Variants in NIBAN3 observed in about 807,000 individuals in gnomAD.
NIBAN3 encodes the protein niban apoptosis regulator 3.
NIBAN3 carries 66 observed loss-of-function variants against 76.4 expected under a neutral mutation model. The observed-to-expected ratio is 0.86, with a 90% CI of 0.71 to 1.06. The LOEUF (loss-of-function observed/expected upper bound fraction) is 1.06. Among genes scored for constraint, NIBAN3 ranks in the 50% least tolerant of loss-of-function variants. NIBAN3 has a pLI of 0.00. For missense variants in NIBAN3, 808 were observed against 810.7 expected, an observed-to-expected ratio of 1.00 and a Z score of 0.04; for synonymous variants, 360 against 355.2, an observed-to-expected ratio of 1.01 and a Z score of -0.15.
At chr19:17,531,849 G>A (rs2075731437) in intron 2 of NIBAN3, among the ~76,000 whole-genome samples, 1 of 152,186 alleles carries the variant, frequency 6.6e-6, no homozygotes, top group South Asian at 2.1e-4. Flanking sequence ...CTGGAGCCAT[G>A]AGGTTGTGTG....
Position 17,552,620 on chromosome 19 carries a change from T to C in NIBAN3, c.*722T>C, listed in dbSNP as rs2076173819. 6.6e-6 allele frequency: 1 copy of C among 152,144 alleles called. No individual in the cohort carries two copies. Among genetic ancestry groups the C allele is most frequent in the Admixed American group, 6.6e-5 (1 of 15,260 alleles). 9.4% of individuals were successfully genotyped at this position (152,144 alleles called of 1,614,324 possible). Reference sequence around the variant, plus strand: ...TGATTTTATTTTGAATTTCTTTGACTAAATTGAACTTACAAATAAGTTTAT... The same window carrying C: ...TGATTTTATTTTGAATTTCTTTGACCAAATTGAACTTACAAATAAGTTTAT... On this transcript the variant is annotated 3_prime_UTR_variant, in exon 15 of 15. Coordinates refer to ENST00000599164, the MANE Select transcript of NIBAN3 (RefSeq NM_001321827.2).
At chr19:17,539,824 G>A in intron 8 of NIBAN3, 59 bp downstream of exon 8, 1 of 1,336,322 alleles carries the variant, frequency 7.5e-7, no homozygotes, top group Non-Finnish European at 1.0e-6. Context: ...GGGAAAAAGG[G>A]GCGTGACCTA....
chr19:17,540,526 G>T lies in NIBAN3; in HGVS notation c.1114G>T (p.Asp372Tyr). 2 of 1,586,380 alleles carry T rather than the reference G, an allele frequency of 1.3e-6. No homozygotes were observed. The highest frequency in any genetic ancestry group is 1.1e-5 in the South Asian group (1 of 88,230). ...AVRTLLAQGM[D>Y]RLSHRLRQSP... is the part of the protein sequence containing the mutation. ...GCGGACCCTCCTGGCTCAAGGCATG[G>T]ACCGACTGTCCCACCGCCTGCGCCA... The change falls in exon 9 of 15, where the codon GAC becomes TAC. Residue 372 changes from aspartate (D) to tyrosine (Y), a missense_variant. By Grantham distance (160) the Asp-to-Tyr change is radical. Coordinates refer to ENST00000599164, the MANE Select transcript of NIBAN3 (RefSeq NM_001321827.2).
chr19:17,533,640 G>T lies in NIBAN3; in HGVS notation c.366G>T (p.Thr122=). The change falls in exon 4 of 15, where the codon ACG becomes ACT. Residue 122 remains threonine, a synonymous_variant. Coordinates refer to ENST00000599164, the MANE Select transcript of NIBAN3 (RefSeq NM_001321827.2). ...CLGSTALTGY[T]LLTSQREYLR... ...GCTCAACAGCCCTGACAGGATACAC[G>T]CTCCTGACTTCCCAGCGAGAATATC... The T allele has an allele frequency of 6.2e-7, 1 of 1,614,102 alleles. No individual in the cohort carries two copies.
At chr19:17,555,140 A>G (rs1172869911), downstream of NIBAN3, among the ~76,000 whole-genome samples, 1 of 152,166 alleles carries the variant, frequency 6.6e-6, no homozygotes, top group Admixed American at 6.6e-5. Context: ...ATAGATGGAC[A>G]GACTGAGGCT....
At chr19:17,527,751 G>A (rs564528492) in intron 1 of NIBAN3, among the ~76,000 whole-genome samples, 4 of 151,930 alleles carry the variant, frequency 2.6e-5, no homozygotes, top group African/African-American at 9.7e-5. Flanking sequence ...ATAGAGACAG[G>A]GTGTCCCTAT....
chr19:17,526,577 G>A (rs966797886), upstream of NIBAN3, among the ~76,000 whole-genome samples: 2 of 151,892 alleles, frequency 1.3e-5, no homozygotes, highest in East Asian at 1.9e-4. Flanking sequence ...GAGCACAGGA[G>A]TTCCAGGCTG....
At chr19:17,523,927 C>T (rs969872427), upstream of NIBAN3, among the ~76,000 whole-genome samples, 2 of 152,104 alleles carry the variant, frequency 1.3e-5, no homozygotes, top group Non-Finnish European at 2.9e-5. Flanking sequence ...CTTGCTCTGT[C>T]GTCCAGGCTG....
rs774119743 is a variant in NIBAN3 at position 17,546,742 on chromosome 19, TGA to T, written c.1613_1614del (p.Glu538GlyfsTer4). The T allele has an allele frequency of 1.9e-6, 3 of 1,606,030 alleles. No individual in the cohort carries two copies. Among genetic ancestry groups the T allele is most frequent in the Non-Finnish European group, 2.5e-6 (3 of 1,177,032 alleles). On this transcript the variant is annotated frameshift_variant, in exon 13 of 15. Coordinates refer to ENST00000599164, the MANE Select transcript of NIBAN3 (RefSeq NM_001321827.2). LOFTEE classifies it high-confidence loss of function. ...LAVGSQALTT[E>X]GIYEDVIRGC... ...CCGTGGGCAGCCAGGCTCTGACCAC[TGA>T]GGGCATCTATGAGGACGTCATCCGG...
At chr19:17,546,538 T>A in intron 12 of NIBAN3, 148 bp from the exon 13 acceptor site, 3 of 1,248,168 alleles carry the variant, frequency 2.4e-6, no homozygotes, top group Non-Finnish European at 3.0e-6. Context: ...ATAAAAATAT[T>A]TAAAAATAAA....
At chr19:17,533,405 G>C in intron 3 of NIBAN3, 182 bp from the exon 4 acceptor site, 2 of 478,956 alleles carry the variant, frequency 4.2e-6, no homozygotes, top group Non-Finnish European at 7.0e-6. Flanking sequence ...GTGAGACTCT[G>C]TCTCAAAAAC....
chr19:17,539,113 G>A (rs1350983968), intron 5 of NIBAN3, 37 bp from the exon 6 acceptor site: 2 of 1,522,960 alleles, frequency 1.3e-6, no homozygotes, highest in African/African-American at 1.4e-5. Flanking sequence ...CCAGGCAGGG[G>A]AGCTACCAGC....
chr19:17,540,409 C>T lies in NIBAN3; in HGVS notation c.997C>T (p.Leu333Phe). Residue 333 changes from leucine (L) to phenylalanine (F), a missense_variant, in exon 9 of 15, where the codon CTC (leucine) becomes TTC (phenylalanine). Transcript: ENST00000599164. ...GRLRTDIRGP[L>F]ESCLRREVDP... ...ACTCCCAGCGGATATCAGGGGACCGCTCGAGTCGTGCCTGCGCCGGGAGGT... is the reference window on the plus strand; with the variant it reads ...ACTCCCAGCGGATATCAGGGGACCGTTCGAGTCGTGCCTGCGCCGGGAGGT... The T allele has an allele frequency of 1.3e-6, 2 of 1,510,840 alleles. No individual in the cohort carries two copies. Among genetic ancestry groups the T allele is most frequent in the Non-Finnish European group, 8.9e-7 (1 of 1,126,382 alleles). The allele number at this position is 1,510,840 out of a possible 1,614,324, so 93.6% of individuals were successfully genotyped here. A position where few individuals can be genotyped will look rare whatever the true frequency, so the allele number is the denominator to read the frequency against.
intron 14 of NIBAN3, chr19:17,549,912 G>A (rs1254513995): frequency 7.6e-6 from 3 of 397,294 alleles, no homozygotes; most frequent in Non-Finnish European, 1.3e-5. Flanking sequence ...CTCCTCCCAG[G>A]TTCAAGTGAA....
intron 4 of NIBAN3, among the ~76,000 whole-genome samples, chr19:17,534,410 G>A (rs993514930): frequency 2.0e-5 from 3 of 152,072 alleles, no homozygotes; most frequent in African/African-American, 7.2e-5. Flanking sequence ...GCACTTTGGG[G>A]GACCAAGGCA....
intron 4 of NIBAN3, among the ~76,000 whole-genome samples, chr19:17,535,605 G>A (rs760872191): frequency 1.1e-4 from 17 of 152,094 alleles, no homozygotes; most frequent in Admixed American, 6.6e-4. Flanking sequence ...AAAATTAGCC[G>A]AGCGTGGTGG....
In NIBAN3 at chr19:17,540,560, C is replaced by T. The variant is rs776955992; in HGVS notation, c.1148C>T (p.Ser383Leu). 1 of 1,545,236 alleles carries T rather than the reference C, an allele frequency of 6.5e-7. No individual in the cohort carries two copies. Among genetic ancestry groups the T allele is most frequent in the South Asian group, 1.2e-5 (1 of 83,314 alleles). The change falls in exon 9 of 15, where the codon TCA (serine) becomes TTA (leucine). Residue 383 changes from serine to leucine, a missense_variant. Coordinates refer to ENST00000599164, the MANE Select transcript of NIBAN3 (RefSeq NM_001321827.2). ...RLSHRLRQSPSGTRLRREVYS... is the reference protein window; with the variant it reads ...RLSHRLRQSPLGTRLRREVYS... Reference sequence around the variant, plus strand: ...TCCCACCGCCTGCGCCAGAGCCCCTCAGGCACGCGGCTGCGCAGGGAGGTG... The same window carrying T: ...TCCCACCGCCTGCGCCAGAGCCCCTTAGGCACGCGGCTGCGCAGGGAGGTG...
At position 17,539,355 on chromosome 19, in the gene NIBAN3, C is replaced by G. The variant is rs1398710139; in HGVS notation, c.720C>G (p.Thr240=). The G allele has an allele frequency of 7.1e-6, 11 of 1,546,120 alleles. No individual in the cohort carries two copies. The highest frequency in any genetic ancestry group is 9.6e-6 in the Non-Finnish European group (11 of 1,147,106). The part of the protein sequence containing the change: ...VTLGSDAEVL[T]AVLMREQLPA... ...GGCCCCCTCTCCTGCAGGTGCTGAC[C>G]GCGGTGCTGATGCGGGAGCAACTTC... Residue 240 remains threonine (T), a synonymous_variant, in exon 7 of 15, where the codon ACC becomes ACG. Transcript: ENST00000599164.
At chr19:17,526,115 A>G (rs545190075), upstream of NIBAN3, among the ~76,000 whole-genome samples, 1 of 151,656 alleles carries the variant, frequency 6.6e-6, no homozygotes, top group Non-Finnish European at 1.5e-5. Flanking sequence ...AGTTTGAGAC[A>G]AGCCTGGCCA....
Sources: gnomAD v4.1 joint callset for allele counts (sites outside exome capture counted in the v4.1 genomes callset) on GRCh38, gnomAD v4.1.1 for gene constraint, MANE v1.5 for transcripts, NCBI Gene and HGNC (gene_info 2026-07-23, HGNC 2026-07-21) for gene names.